SCFD2: variants seen among roughly 807,000 people sequenced by gnomAD.
SCFD2 encodes sec1 family domain containing 2, also known as sec1 family domain-containing protein 2.
In SCFD2, 54 loss-of-function variants were observed where a neutral mutation model predicts 58.9. That is an observed-to-expected ratio of 0.92 (90% CI 0.74 to 1.15). The LOEUF is 1.15. Among genes scored for constraint, SCFD2 ranks in the 50% most tolerant of loss-of-function variants. The pLI, the probability that SCFD2 is intolerant of heterozygous loss-of-function variation, is 0.00. For synonymous variants in SCFD2, 321 were observed against 335.9 expected (o/e 0.96, Z 0.49); for missense variants, 805 against 836.6 (o/e 0.96, Z 0.47).
chr4:52,950,492 C>T (rs1193663196), intron 5 of SCFD2: 1 of 152,154 alleles, frequency 6.6e-6, no homozygotes, highest in African/African-American at 2.4e-5. Context: ...GTTTACAGAA[C>T]AAAGGGAATC....
At chr4:52,889,418 TA>T (rs1718829045) in intron 7 of SCFD2, among the ~76,000 whole-genome samples, 2 of 152,186 alleles carry the variant, frequency 1.3e-5, no homozygotes, top group Admixed American at 1.3e-4. Context: ...GCCACACTCT[TA>T]AAACACCTCT....
At chr4:53,278,263 A>G (rs1048272038) in intron 3 of SCFD2, among the ~76,000 whole-genome samples, 2 of 149,508 alleles carry the variant, frequency 1.3e-5, no homozygotes, top group African/African-American at 2.5e-5. Flanking sequence ...GCTACTCAGG[A>G]GCTGAGGCAG....
intron 5 of SCFD2, among the ~76,000 whole-genome samples, chr4:53,044,529 T>TTC (rs1560311844): frequency 3.5e-5 from 5 of 144,090 alleles, no homozygotes; most frequent in African/African-American, 1.4e-4. Flanking sequence ...TCCCTCCCTC[T>TTC]CTCCCTTTCT....
intron 5 of SCFD2, among the ~76,000 whole-genome samples, chr4:53,012,729 G>A (rs1008196210): frequency 6.6e-6 from 1 of 151,964 alleles, no homozygotes; most frequent in African/African-American, 2.4e-5. Flanking sequence ...GGCAAAAAAG[G>A]CATCTGCATT....
At chr4:53,163,301 G>T (rs1419698285) in intron 4 of SCFD2, among the ~76,000 whole-genome samples, 2 of 152,292 alleles carry the variant, frequency 1.3e-5, no homozygotes, top group East Asian at 1.9e-4. Context: ...GCCTTTAGGG[G>T]TTTCTATTTT....
At chr4:53,224,862 T>A (rs1336895434) in intron 4 of SCFD2, among the ~76,000 whole-genome samples, 1 of 152,184 alleles carries the variant, frequency 6.6e-6, no homozygotes, top group Admixed American at 6.5e-5. Context: ...TTTCTTCACC[T>A]TTTTTTATTA....
chr4:53,146,324 A>G (rs1726330621), intron 4 of SCFD2, among the ~76,000 whole-genome samples: 1 of 152,220 alleles, frequency 6.6e-6, no homozygotes, highest in African/African-American at 2.4e-5. Context: ...ACCTATTTCT[A>G]TCATAAATTC....
chr4:52,914,600 C>T (rs1449018041), intron 6 of SCFD2, among the ~76,000 whole-genome samples: 1 of 152,094 alleles, frequency 6.6e-6, no homozygotes, highest in Non-Finnish European at 1.5e-5. Context: ...CAAGTGGGAG[C>T]CATGACCACA....
intron 5 of SCFD2, among the ~76,000 whole-genome samples, chr4:53,012,351 C>CTCTT (rs201843031): frequency 0.014 from 1,945 of 140,822 alleles, 41 homozygotes; most frequent in African/African-American, 0.048. Context: ...ATCTCTCTCT[C>CTCTT]TCTTTCTCTC....
At chr4:53,189,174 G>T (rs1270239940) in intron 4 of SCFD2, among the ~76,000 whole-genome samples, 2 of 152,206 alleles carry the variant, frequency 1.3e-5, no homozygotes, top group Non-Finnish European at 2.9e-5. Flanking sequence ...AGCTATTGCT[G>T]TTGGGCACAG....
intron 4 of SCFD2, among the ~76,000 whole-genome samples, chr4:53,177,613 T>C (rs896403480): frequency 6.6e-6 from 1 of 152,136 alleles, no homozygotes; most frequent in Non-Finnish European, 1.5e-5. Flanking sequence ...GATTTCTGCA[T>C]TTCCAACTGA....
chr4:53,267,783 G>A (rs566800895), intron 4 of SCFD2, among the ~76,000 whole-genome samples: 1 of 152,104 alleles, frequency 6.6e-6, no homozygotes. Context: ...GTTGTTGAAA[G>A]AACCACACCA....
chr4:52,873,989 G>A lies in SCFD2; in HGVS notation c.2035C>T (p.His679Tyr), dbSNP rs762367030. ...GATGCTCAGAAGCCAAGGTCTGGAT[G>A]CAGTCGGTCAGTTGCAAATAACAGC... ...PELLFATDRL[H>Y]PDLGF The change falls in exon 9 of 9, where the codon CAT (histidine) becomes TAT (tyrosine). Residue 679 changes from histidine to tyrosine, a missense_variant. Physicochemically the swap from His to Tyr is moderately conservative, Grantham distance 83 (BLOSUM62 2). Around this residue, in one of 3 missense-constraint regions of SCFD2, gnomAD observed 633 missense variants for 646.8 expected, o/e 0.98. Coordinates refer to ENST00000401642, the MANE Select transcript of SCFD2 (RefSeq NM_152540.4). The A allele has an allele frequency of 6.2e-7, 1 of 1,613,862 alleles. No homozygotes were observed. Among genetic ancestry groups the A allele is most frequent in the South Asian group, 1.1e-5 (1 of 91,068 alleles).
intron 4 of SCFD2, among the ~76,000 whole-genome samples, chr4:53,212,301 A>G (rs1238928218): frequency 6.6e-6 from 1 of 151,852 alleles, no homozygotes; most frequent in African/African-American, 2.4e-5. Flanking sequence ...TCAAAACAAC[A>G]CCAAATGTGG....
At chr4:52,921,403 C>T (rs934127553) in intron 5 of SCFD2, among the ~76,000 whole-genome samples, 6 of 152,124 alleles carry the variant, frequency 3.9e-5, no homozygotes, top group East Asian at 1.9e-4. Flanking sequence ...AACAAGAAGA[C>T]GGTTTTCTGC....
At chr4:53,341,748 C>T (rs1252734523) in intron 2 of SCFD2, among the ~76,000 whole-genome samples, 3 of 152,196 alleles carry the variant, frequency 2.0e-5, no homozygotes, top group African/African-American at 7.2e-5. Flanking sequence ...ATCAGACTAA[C>T]AGCAGATCTC....
At chr4:53,180,889 A>C (rs1727528496) in intron 4 of SCFD2, among the ~76,000 whole-genome samples, 4 of 152,234 alleles carry the variant, frequency 2.6e-5, no homozygotes, top group Non-Finnish European at 5.9e-5. Flanking sequence ...ACGCAAATAA[A>C]CTAGAAAAAT....
intron 4 of SCFD2, among the ~76,000 whole-genome samples, chr4:53,213,606 T>C (rs1728696926): frequency 6.6e-6 from 1 of 152,120 alleles, no homozygotes; most frequent in African/African-American, 2.4e-5. Context: ...GAATTCTGCT[T>C]CAAAGAGTTC....
chr4:53,021,429 C>T (rs1722347078), intron 5 of SCFD2, among the ~76,000 whole-genome samples: 1 of 152,064 alleles, frequency 6.6e-6, no homozygotes, highest in African/African-American at 2.4e-5. Context: ...TTAAAACTAA[C>T]AGAGATTACT....
Sources: gnomAD v4.1 joint callset for allele counts (sites outside exome capture counted in the v4.1 genomes callset) on GRCh38, gnomAD v4.1.1 for gene constraint, gnomAD v4.1.1 regional missense constraint, MANE v1.5 for transcripts, NCBI Gene and HGNC (gene_info 2026-07-23, HGNC 2026-07-21) for gene names.